The following SNRPD2 variants were observed in gnomAD, a reference collection of about 807,000 sequenced individuals.
SNRPD2 encodes small nuclear ribonucleoprotein Sm D2.
Under a neutral mutation model 11.5 loss-of-function variants are expected in SNRPD2, and 1 was observed. That is an observed-to-expected ratio of 0.09 (90% CI 0.03 to 0.41). SNRPD2 has a LOEUF of 0.41. Among genes scored for constraint, SNRPD2 ranks in the 10% least tolerant of loss-of-function variants. The probability of loss-of-function intolerance (pLI) is 0.98; values close to 1 mark genes in which losing one functional copy is unlikely to be tolerated. For missense variants in SNRPD2, 77 were observed against 154.9 expected (o/e 0.50, Z 2.67); for synonymous variants, 63 against 61.5 (o/e 1.02, Z -0.12).
At chr19:45,692,067 G>T, upstream of SNRPD2, 2 of 1,529,014 alleles carry the variant, frequency 1.3e-6, no homozygotes, top group South Asian at 1.2e-5. Flanking sequence ...CACAATGATG[G>T]AATAAAAGCT....
intron 1 of SNRPD2, 26 bp downstream of exon 1, chr19:45,691,861 G>T: frequency 1.2e-6 from 2 of 1,612,820 alleles, no homozygotes; most frequent in Non-Finnish European, 1.7e-6. Context: ...CCTCATTCCC[G>T]CCGCCTAAGC....
intron 1 of SNRPD2, among the ~76,000 whole-genome samples, chr19:45,690,036 CAA>C (rs918677096): frequency 1.5e-4 from 19 of 123,006 alleles, no homozygotes; most frequent in African/African-American, 5.6e-4. Flanking sequence ...GACTCCATCT[CAA>C]AAAAAAAATT....
intron 1 of SNRPD2, chr19:45,691,601 T>C (rs1402696390): frequency 2.2e-6 from 1 of 458,962 alleles, no homozygotes; most frequent in East Asian, 3.5e-5. Flanking sequence ...CGAACTCCTG[T>C]GTTCCAGCGA....
rs779355408 is a variant in SNRPD2 at position 45,689,705 on chromosome 19, CTT to C, written c.3-1141_3-1140del. Among the ~76,000 whole-genome samples, 4 of 151,932 alleles carry C rather than the reference CTT, an allele frequency of 2.6e-5. No homozygotes were observed. In the East Asian group the frequency reaches 5.8e-4, roughly 22 times the overall value. On this transcript the variant is annotated intron_variant, in intron 1 of 2. Coordinates refer to ENST00000342669, the MANE Select transcript of SNRPD2 (RefSeq NM_001384647.1). ...CCAGCCTGGGTGACAGAGCGAGACT[CTT>C]GTCTCAAAAAATAAATAAATACAAA...
intron 1 of SNRPD2, chr19:45,691,665 C>T: frequency 1.6e-6 from 1 of 629,488 alleles, no homozygotes; most frequent in South Asian, 1.8e-5. Flanking sequence ...GCCCCCGCGC[C>T]CAGCCCAGGG....
At chr19:45,690,675 T>C (rs1967517678) in intron 1 of SNRPD2, 1 of 141,616 alleles carries the variant, frequency 7.1e-6, no homozygotes. Flanking sequence ...CTACTAAAAA[T>C]ACGAAAGTTA....
At chr19:45,690,998 G>A (rs904325330) in intron 1 of SNRPD2, among the ~76,000 whole-genome samples, 7 of 152,076 alleles carry the variant, frequency 4.6e-5, no homozygotes, top group African/African-American at 1.7e-4. Flanking sequence ...TCAATGACTC[G>A]TTCGTTATCC....
At chr19:45,692,064 A>T, upstream of SNRPD2, 1 of 1,538,698 alleles carries the variant, frequency 6.5e-7, no homozygotes. Flanking sequence ...GTGCACAATG[A>T]TGGAATAAAA....
Position 45,687,631 on chromosome 19 carries a change from G to A in SNRPD2, c.279C>T (p.Asp93=), listed in dbSNP as rs1019150806. The A allele has an allele frequency of 9.3e-6, 15 of 1,614,042 alleles. No homozygotes were observed. The African/African-American group carries it at 1.1e-4, about 11-fold the overall frequency. Residue 93 remains aspartate (D), a synonymous_variant, in exon 3 of 3, where the codon GAC becomes GAT. Coordinates refer to ENST00000342669, the MANE Select transcript of SNRPD2 (RefSeq NM_001384647.1). The surrounding 1 kb of genome is among the most constrained non-coding windows in gnomAD (Gnocchi z 4.1). ...GCAGGAACATCTTGGAGATGTAGCG[G>A]TCTTTGTTGACTGGCTTGGACTTCT... The part of the protein sequence containing the change: ...GKKKSKPVNK[D]RYISKMFLRG...
chr19:45,688,395 G>A lies in SNRPD2; in HGVS notation c.174C>T (p.Ala58=), dbSNP rs944529006. 6.2e-7 allele frequency: 1 copy of A among 1,614,172 alleles called. No homozygotes were observed. The highest frequency in any genetic ancestry group is 1.6e-4 in the Middle Eastern group (1 of 6,062). Residue 58 remains alanine, a synonymous_variant, in exon 2 of 3, where the codon GCC becomes GCT. Transcript: ENST00000342669. This position sits in a 1 kb window ranked among gnomAD's most constrained non-coding sequence, Gnocchi z 4.1. The part of the protein sequence containing the change: ...NNKKLLGRVK[A]FDRHCNMVLE... ...CAGGACCCAGCACTCACCTATCGAA[G>A]GCCTTCACGCGGCCCAGGAGTTTCT...
upstream of SNRPD2, chr19:45,691,976 C>A (rs1967574456): frequency 3.7e-6 from 6 of 1,612,898 alleles, no homozygotes; most frequent in African/African-American, 2.7e-5. Flanking sequence ...CTTCCTGCGA[C>A]CCACTTCCGT....
Position 45,690,128 on chromosome 19 carries a change from G to A in SNRPD2, c.3-1562C>T, listed in dbSNP as rs200945807. On this transcript the variant is annotated intron_variant, in intron 1 of 2. Coordinates refer to ENST00000342669, the MANE Select transcript of SNRPD2 (RefSeq NM_001384647.1). ...GGGCGGATCACGAGGTCAGGAGATC[G>A]AGACCATCCTGGCTAACACGGTGAA... Among the ~76,000 whole-genome samples, 8 of 150,994 alleles carry A rather than the reference G, an allele frequency of 5.3e-5. No individual in the cohort carries two copies. In the South Asian group the frequency reaches 6.3e-4, roughly 12 times the overall value.
At position 45,688,854 on chromosome 19, in the gene SNRPD2, T is replaced by C. The variant is rs2146115171; in HGVS notation, c.3-288A>G. Among the ~76,000 whole-genome samples the C allele has an allele frequency of 6.6e-6, 1 of 152,062 alleles. No homozygotes were observed. Among genetic ancestry groups the C allele is most frequent in the South Asian group, 2.1e-4 (1 of 4,808 alleles). ...TTCAAGCGATTCTCCTGCCTCAGCC[T>C]CCTGAGGAGCTGGGACTACAGGCAT... On this transcript the variant is annotated intron_variant, in intron 1 of 2. Transcript: ENST00000342669. The surrounding 1 kb of genome is among the most constrained non-coding windows in gnomAD (Gnocchi z 4.1).
rs1162216481 is a variant in SNRPD2 at position 45,688,333 on chromosome 19, C to G, written c.182+54G>C. 1.3e-6 allele frequency: 2 copies of G among 1,492,136 alleles called. No homozygotes were observed. The highest frequency in any genetic ancestry group is 2.3e-5 in the East Asian group (1 of 44,246). 92.4% of individuals were successfully genotyped at this position (1,492,136 alleles called of 1,614,324 possible). The stretch of plus-strand genomic sequence containing the variant: ...TGTCTTTGAGCTCTTCAGACTGGAG[C>G]TGGAGTGGCCTCTCCAGGCCTGCGG... On this transcript the variant is annotated intron_variant, in intron 2 of 2. Coordinates refer to ENST00000342669, the MANE Select transcript of SNRPD2 (RefSeq NM_001384647.1). This position sits in a 1 kb window ranked among gnomAD's most constrained non-coding sequence, Gnocchi z 4.1.
intron 1 of SNRPD2, chr19:45,691,648 G>T: frequency 1.7e-6 from 1 of 583,898 alleles, no homozygotes; most frequent in Non-Finnish European, 3.1e-6. Context: ...TGGGATCACA[G>T]GAATGAGCCC....
intron 1 of SNRPD2, chr19:45,689,271 T>A (rs771624751): frequency 1.9e-6 from 1 of 520,178 alleles, no homozygotes; most frequent in South Asian, 1.4e-5. Flanking sequence ...CTGGAATCTT[T>A]CTGGTCTCTC....
At chr19:45,691,985 G>T, upstream of SNRPD2, 1 of 1,612,156 alleles carries the variant, frequency 6.2e-7, no homozygotes, top group South Asian at 1.1e-5. Flanking sequence ...ACCCACTTCC[G>T]TTGGCGCCTG....
rs1331784600 is a variant in SNRPD2 at position 45,688,906 on chromosome 19, T to C, written c.3-340A>G. Among the ~76,000 whole-genome samples the C allele has an allele frequency of 6.6e-6, 1 of 152,074 alleles. No homozygotes were observed. Among genetic ancestry groups the C allele is most frequent in the African/African-American group, 2.4e-5 (1 of 41,410 alleles). On this transcript the variant is annotated intron_variant, in intron 1 of 2. Coordinates refer to ENST00000342669, the MANE Select transcript of SNRPD2 (RefSeq NM_001384647.1). The surrounding 1 kb of genome is among the most constrained non-coding windows in gnomAD (Gnocchi z 4.1). The stretch of plus-strand genomic sequence containing the variant: ...CACCACCTCCACGCCCAGCTAATTT[T>C]TGTATTTTAGTAAACAGGGGGTTTC...
intron 1 of SNRPD2, among the ~76,000 whole-genome samples, chr19:45,690,052 C>G (rs1213363079): frequency 1.3e-5 from 2 of 148,288 alleles, no homozygotes; most frequent in Non-Finnish European, 3.0e-5. Context: ...AAAAATTAGG[C>G]CGGGCGCGGT....
Sources: allele counts gnomAD v4.1 joint callset (sites outside exome capture counted in the v4.1 genomes callset), GRCh38; gene constraint gnomAD v4.1.1; non-coding constraint Gnocchi (gnomAD v3.1); transcripts MANE v1.5; gene names NCBI Gene and HGNC (gene_info 2026-07-23, HGNC 2026-07-21).